Variants in DCDC1 observed in about 807,000 individuals in gnomAD.
DCDC1 encodes doublecortin domain-containing protein 1.
In DCDC1, 200 loss-of-function variants were observed where a neutral mutation model predicts 178.3. The observed-to-expected ratio is 1.12, with a 90% confidence interval of 1.00 to 1.26. The LOEUF (loss-of-function observed/expected upper bound fraction) is 1.26, where lower values mean the gene tolerates loss of function less well. Ranked by LOEUF, DCDC1 falls within the 50% of genes most tolerant of loss-of-function variation. DCDC1 has a pLI of 0.00. For synonymous variants in DCDC1, 690 were observed against 604.8 expected (o/e 1.14, Z -2.07); for missense variants, 1,983 against 1,749.2 (o/e 1.13, Z -2.38).
Position 31,290,651 on chromosome 11 carries a change from T to C in DCDC1, c.956A>G (p.Lys319Arg). Residue 319 changes from lysine to arginine, a missense_variant, in exon 7 of 39, where the codon AAA becomes AGA. Physicochemically the swap from Lys to Arg is conservative, Grantham distance 26. Coordinates refer to ENST00000684477, the MANE Select transcript of DCDC1 (RefSeq NM_001387274.1). Reference sequence around the variant, plus strand: ...CAATATTTAATTAAAAATTACCTTTTTCATTGTTTCTTTTCCCACTGTAAT... The same window carrying C: ...CAATATTTAATTAAAAATTACCTTTCTCATTGTTTCTTTTCCCACTGTAAT... ...HEITVGKETM[K>R]KVLDTCTIRM... 6.3e-7 allele frequency: 1 copy of C among 1,599,496 alleles called. No individual in the cohort carries two copies. Among genetic ancestry groups the C allele is most frequent in the Non-Finnish European group, 8.5e-7 (1 of 1,176,174 alleles).
intron 9 of DCDC1, among the ~76,000 whole-genome samples, chr11:31,145,685 A>T (rs1591207292): frequency 6.6e-6 from 1 of 152,226 alleles, no homozygotes; most frequent in African/African-American, 2.4e-5. Flanking sequence ...TGGCAGCATG[A>T]GCAGAAAGAA....
Position 31,328,304 on chromosome 11 carries a change from T to C in DCDC1, c.-6-18A>G, listed in dbSNP as rs899594540. ...ATTTTCAGCTAAAAATGATAAAGAATGTTATTTAATTTTAAATGTAAAATC... is the reference window on the plus strand; with the variant it reads ...ATTTTCAGCTAAAAATGATAAAGAACGTTATTTAATTTTAAATGTAAAATC... On this transcript the variant is annotated intron_variant, in intron 2 of 38. Coordinates refer to ENST00000684477, the MANE Select transcript of DCDC1 (RefSeq NM_001387274.1). 4 of 1,542,992 alleles carry C rather than the reference T, an allele frequency of 2.6e-6. No homozygotes were observed. The highest frequency in any genetic ancestry group is 2.3e-5 in the East Asian group (1 of 43,742).
At chr11:31,086,254 T>C (rs532010470) in intron 17 of DCDC1, among the ~76,000 whole-genome samples, 12 of 152,306 alleles carry the variant, frequency 7.9e-5, no homozygotes, top group African/African-American at 2.9e-4. Flanking sequence ...TCACCAATAC[T>C]GGTATGGTCA....
chr11:31,360,814 A>T (rs1951670703), intron 1 of DCDC1, among the ~76,000 whole-genome samples: 1 of 152,158 alleles, frequency 6.6e-6, no homozygotes, highest in Admixed American at 6.5e-5. Context: ...ATCAGAAAAG[A>T]GTTGAGGGGA....
chr11:30,951,806 G>T (rs1181349688), intron 21 of DCDC1, among the ~76,000 whole-genome samples: 2 of 151,960 alleles, frequency 1.3e-5, no homozygotes, highest in African/African-American at 4.8e-5. Context: ...TGGTCTGAAA[G>T]AACACAAGAA....
At chr11:31,169,089 T>C (rs7125760) in intron 9 of DCDC1, among the ~76,000 whole-genome samples, 2,917 of 152,170 alleles carry the variant, frequency 0.019, 92 homozygotes, top group African/African-American at 0.066. Flanking sequence ...TGCAGGGACA[T>C]GGATGAAGCT....
At chr11:31,092,643 T>C (rs577779502) in intron 16 of DCDC1, among the ~76,000 whole-genome samples, 1 of 152,310 alleles carries the variant, frequency 6.6e-6, no homozygotes, top group Non-Finnish European at 1.5e-5. Context: ...CCAATTATTT[T>C]TGAGGAGATT....
intron 38 of DCDC1, among the ~76,000 whole-genome samples, chr11:30,874,387 T>C (rs1326332425): frequency 6.6e-6 from 1 of 152,202 alleles, no homozygotes; most frequent in Non-Finnish European, 1.5e-5. Context: ...ATTAAGGAAG[T>C]ATCTCTTGCC....
intron 20 of DCDC1, among the ~76,000 whole-genome samples, chr11:31,052,518 C>T (rs750142746): frequency 6.6e-6 from 1 of 152,196 alleles, no homozygotes; most frequent in East Asian, 1.9e-4. Context: ...CAGATATATA[C>T]AGAACATTTC....
In DCDC1 at chr11:31,283,552, T is replaced by C. The variant is rs564482197; in HGVS notation, c.960+7095A>G. 7.2e-5 allele frequency among the ~76,000 whole-genome samples: 11 copies of C among 152,172 alleles called. No homozygotes were observed. In the East Asian group the frequency reaches 1.4e-3, roughly 19 times the overall value. On this transcript the variant is annotated intron_variant, in intron 7 of 38. Transcript: ENST00000684477. ...TCTGTTAACTCTATTTTGGGGTCTG[T>C]TTCTATTGATCAACTTTTCTTCTGG... is the stretch of plus-strand genomic sequence containing the variant.
intron 20 of DCDC1, among the ~76,000 whole-genome samples, chr11:31,054,081 C>T (rs1192090821): frequency 1.3e-5 from 2 of 152,006 alleles, no homozygotes; most frequent in Admixed American, 1.3e-4. Context: ...ACCCTAAGGA[C>T]TCCTCCAGAG....
chr11:30,869,784 C>A (rs150321022), intron 38 of DCDC1, among the ~76,000 whole-genome samples: 1 of 152,182 alleles, frequency 6.6e-6, no homozygotes, highest in South Asian at 2.1e-4. Context: ...AGAACCCAGA[C>A]TTCAGAGCCA....
chr11:31,309,138 ATGTTTGTG>A (rs1271032078), intron 3 of DCDC1, among the ~76,000 whole-genome samples: 2 of 55,406 alleles, frequency 3.6e-5, no homozygotes, highest in African/African-American at 7.4e-5. Context: ...GGGAAAATAG[ATGTTTGTG>A]TGTGTGTGTG....
intron 9 of DCDC1, among the ~76,000 whole-genome samples, chr11:31,213,122 TC>T (rs1468087567): frequency 1.6e-5 from 2 of 126,270 alleles, no homozygotes; most frequent in Non-Finnish European, 3.4e-5. Context: ...TCTCTCTCTC[TC>T]TCTCTCTCTC....
intron 20 of DCDC1, among the ~76,000 whole-genome samples, chr11:31,009,438 T>TTGTGTGTG (rs139389381): frequency 1.3e-3 from 191 of 144,514 alleles, no homozygotes; most frequent in South Asian, 0.012. Context: ...CACAGTTTCT[T>TTGTGTGTG]TGTGTGTGTG....
At chr11:31,060,632 T>C (rs1179080017) in intron 20 of DCDC1, among the ~76,000 whole-genome samples, 1 of 152,128 alleles carries the variant, frequency 6.6e-6, no homozygotes, top group Non-Finnish European at 1.5e-5. Flanking sequence ...AATAGCAAAG[T>C]ATCAAGTGTC....
At chr11:31,087,335 C>T (rs1043322666) in intron 17 of DCDC1, among the ~76,000 whole-genome samples, 1 of 151,316 alleles carries the variant, frequency 6.6e-6, no homozygotes, top group Non-Finnish European at 1.5e-5. Flanking sequence ...CATTGGTTTT[C>T]TTTTTTTTCT....
chr11:31,198,229 A>G (rs12362537), intron 9 of DCDC1, among the ~76,000 whole-genome samples: 40,099 of 151,756 alleles, frequency 0.26, 5,445 homozygotes, highest in African/African-American at 0.32. Flanking sequence ...CTACCACTTC[A>G]ATTTTAGCTA....
At chr11:31,043,106 G>A (rs1157980065) in intron 20 of DCDC1, among the ~76,000 whole-genome samples, 7 of 152,114 alleles carry the variant, frequency 4.6e-5, no homozygotes, top group African/African-American at 1.7e-4. Flanking sequence ...TGACTGTACT[G>A]AATACTGCAG....
Sources: allele counts gnomAD v4.1 joint callset (sites outside exome capture counted in the v4.1 genomes callset), GRCh38; gene constraint gnomAD v4.1.1; transcripts MANE v1.5; gene names NCBI Gene and HGNC (gene_info 2026-07-23, HGNC 2026-07-21).